Variants in EYA4 observed in about 807,000 individuals in gnomAD.
The protein encoded by EYA4 is EYA transcriptional coactivator and phosphatase 4.
A neutral mutation model predicts 87.9 loss-of-function variants in EYA4; 31 were observed. The observed-to-expected ratio is 0.35, with a 90% CI of 0.27 to 0.48. EYA4 has a LOEUF of 0.48. EYA4 is among the 20% of genes least tolerant of loss of function. EYA4 has a pLI of 0.99. For missense variants in EYA4, 678 were observed against 761.4 expected (o/e 0.89, Z 1.29); for synonymous variants, 263 against 270.6 (o/e 0.97, Z 0.28).
chr6:133,324,054 C>G (rs1781304720), intron 2 of EYA4, among the ~76,000 whole-genome samples: 1 of 152,082 alleles, frequency 6.6e-6, no homozygotes, highest in South Asian at 2.1e-4. Context: ...ATTTCTTCTT[C>G]TTTGGAAAAT....
chr6:133,316,946 G>A (rs1428926122), intron 2 of EYA4, among the ~76,000 whole-genome samples: 1 of 152,124 alleles, frequency 6.6e-6, no homozygotes. Context: ...TAGCATAGAA[G>A]CCTTCCTTCG....
rs1189423309 is a variant in EYA4, at chr6:133,471,010, CT to C, written c.970+2280del. Among the ~76,000 whole-genome samples, 2 of 82,262 alleles carry C rather than the reference CT, an allele frequency of 2.4e-5. 1 individual carries two copies. The highest frequency in any genetic ancestry group is 3.1e-4 in the Admixed American group (2 of 6,404). 54.0% of individuals were successfully genotyped at this position (82,262 alleles called of 152,430 possible). On this transcript the variant is annotated intron_variant, in intron 11 of 19. Transcript: ENST00000355286. ...TTTTGGGCTGAGACGATGGGGTTCT[CT>C]AGATAAACAATCATGTCGTCTGCAA...
intron 6 of EYA4, among the ~76,000 whole-genome samples, chr6:133,460,040 A>G (rs541797932): frequency 1.5e-4 from 23 of 152,286 alleles, no homozygotes; most frequent in African/African-American, 5.5e-4. Context: ...ATAGAAATAT[A>G]TCATGTTTCA....
chr6:133,497,525 G>A (rs180973512), intron 13 of EYA4, among the ~76,000 whole-genome samples: 19 of 152,206 alleles, frequency 1.2e-4, no homozygotes, highest in African/African-American at 4.6e-4. Flanking sequence ...GCTGCTATGA[G>A]GCTGGTGATG....
intron 11 of EYA4, among the ~76,000 whole-genome samples, chr6:133,469,605 GT>G (rs1218982717): frequency 6.6e-6 from 1 of 151,830 alleles, no homozygotes; most frequent in African/African-American, 2.4e-5. Context: ...AGAATGAATA[GT>G]TTTTTTCAAC....
intron 2 of EYA4, among the ~76,000 whole-genome samples, chr6:133,324,980 G>A (rs779623555): frequency 3.7e-4 from 51 of 138,952 alleles, no homozygotes; most frequent in Admixed American, 9.3e-4. Flanking sequence ...GCACAATCTC[G>A]GTTCACTGCA....
At chr6:133,384,655 T>C (rs1259685137) in intron 3 of EYA4, among the ~76,000 whole-genome samples, 1 of 152,154 alleles carries the variant, frequency 6.6e-6, no homozygotes, top group African/African-American at 2.4e-5. Context: ...TGTGGTACAA[T>C]GGTCAATCTC....
intron 2 of EYA4, among the ~76,000 whole-genome samples, chr6:133,303,379 A>G (rs1779559364): frequency 6.6e-6 from 1 of 152,166 alleles, no homozygotes; most frequent in South Asian, 2.1e-4. Flanking sequence ...TATTTCAGAT[A>G]TTCACTTAAC....
At chr6:133,463,972 T>TC in intron 9 of EYA4, among the ~76,000 whole-genome samples, 1 of 152,240 alleles carries the variant, frequency 6.6e-6, no homozygotes, top group East Asian at 1.9e-4. Flanking sequence ...ATTTTTTTTT[T>TC]TTTCACGAAT....
chr6:133,522,862 A>G (rs1253540799), intron 17 of EYA4, among the ~76,000 whole-genome samples, 194 bp from the exon 18 acceptor site: 2 of 152,176 alleles, frequency 1.3e-5, no homozygotes, highest in East Asian at 3.8e-4. Context: ...GCATCACAGT[A>G]TAGTCATGGG....
chr6:133,425,436 C>T (rs1315044873), intron 3 of EYA4, among the ~76,000 whole-genome samples: 1 of 149,678 alleles, frequency 6.7e-6, no homozygotes, highest in Non-Finnish European at 1.5e-5. Flanking sequence ...AAGGTCATGA[C>T]ACCCCCCCAA....
Position 133,531,424 on chromosome 6 carries a change from T to G in EYA4, c.*2619T>G. On this transcript the variant is annotated 3_prime_UTR_variant, in exon 20 of 20. Coordinates refer to ENST00000355286, the MANE Select transcript of EYA4 (RefSeq NM_004100.5). ...CTGAACAAACACAAAACCAACCCCT[T>G]GGCAGTTCCCACCTCCTATTGACAT... 2 of 554,316 alleles carry G rather than the reference T, an allele frequency of 3.6e-6. No individual in the cohort carries two copies. The highest frequency in any genetic ancestry group is 6.4e-6 in the Non-Finnish European group (2 of 312,056). The allele number at this position is 554,316 out of a possible 1,614,324, so 34.3% of individuals were successfully genotyped here.
At chr6:133,466,432 G>A (rs1337611359) in intron 10 of EYA4, among the ~76,000 whole-genome samples, 2 of 152,126 alleles carry the variant, frequency 1.3e-5, no homozygotes, top group African/African-American at 4.8e-5. Context: ...CCCATAAAGT[G>A]TTAGGAATTG....
At chr6:133,441,005 A>T (rs1051300544) in intron 3 of EYA4, among the ~76,000 whole-genome samples, 2 of 151,852 alleles carry the variant, frequency 1.3e-5, no homozygotes. Context: ...TCTTTTTCCT[A>T]TTTGATGTTT....
intron 5 of EYA4, among the ~76,000 whole-genome samples, chr6:133,449,145 A>G (rs1241376949): frequency 6.6e-6 from 1 of 152,158 alleles, no homozygotes; most frequent in African/African-American, 2.4e-5. Context: ...TTTTTCTCTA[A>G]AGGGCCAGAT....
At chr6:133,391,329 A>C (rs1327452996) in intron 3 of EYA4, among the ~76,000 whole-genome samples, 1 of 149,988 alleles carries the variant, frequency 6.7e-6, no homozygotes, top group Non-Finnish European at 1.5e-5. Flanking sequence ...TCCCAGGTTC[A>C]AGCGATTCTC....
chr6:133,314,490 CTA>C (rs1780474884), intron 2 of EYA4, among the ~76,000 whole-genome samples: 2 of 152,100 alleles, frequency 1.3e-5, no homozygotes, highest in Admixed American at 1.3e-4. Flanking sequence ...AGAAAGTTAA[CTA>C]TTCATGGTGT....
intron 13 of EYA4, among the ~76,000 whole-genome samples, chr6:133,483,776 T>A (rs553565627): frequency 7.9e-5 from 12 of 151,390 alleles, no homozygotes; most frequent in African/African-American, 2.7e-4. Flanking sequence ...CAGGCTAGAG[T>A]GCAGTGACAT....
chr6:133,259,432 A>C (rs1385834356), intron 1 of EYA4, among the ~76,000 whole-genome samples: 1 of 152,180 alleles, frequency 6.6e-6, no homozygotes, highest in Non-Finnish European at 1.5e-5. Context: ...AGGTCTTTGG[A>C]TTTTTAGAAG....
Sources: gnomAD v4.1 joint callset for allele counts (sites outside exome capture counted in the v4.1 genomes callset) on GRCh38, gnomAD v4.1.1 for gene constraint, MANE v1.5 for transcripts, NCBI Gene and HGNC (gene_info 2026-07-23, HGNC 2026-07-21) for gene names.